P4HA3: variants seen among roughly 807,000 people sequenced by gnomAD.
P4HA3 encodes the protein prolyl 4-hydroxylase subunit alpha-3.
Under a neutral mutation model 66.7 loss-of-function variants are expected in P4HA3, and 60 were observed. The ratio of observed to expected loss-of-function variants is 0.90; its 90% CI spans 0.73 to 1.12. The LOEUF (loss-of-function observed/expected upper bound fraction) is 1.12, where lower values mean the gene tolerates loss of function less well. Ranked by LOEUF, P4HA3 falls within the 50% of genes most tolerant of loss-of-function variation. P4HA3 has a pLI of 0.00. For missense variants in P4HA3, 683 were observed against 685.8 expected, an observed-to-expected ratio of 1.00 and a Z score of 0.05; for synonymous variants, 263 against 274.6, an observed-to-expected ratio of 0.96 and a Z score of 0.42.
Position 74,267,193 on chromosome 11 carries a change from C to T in P4HA3, c.*55G>A. Reference sequence around the variant, plus strand: ...TCTCCTCTCCTACCCCAGCTTTTGGCTCCTGGCTTCTCTGGAAAGCCACAG... The same window carrying T: ...TCTCCTCTCCTACCCCAGCTTTTGGTTCCTGGCTTCTCTGGAAAGCCACAG... On this transcript the variant is annotated 3_prime_UTR_variant, in exon 13 of 13. Transcript: ENST00000331597. 1 of 1,612,292 alleles carries T rather than the reference C, an allele frequency of 6.2e-7. No homozygotes were observed. Among genetic ancestry groups the T allele is most frequent in the Non-Finnish European group, 8.5e-7 (1 of 1,179,584 alleles).
At chr11:74,304,236 TTC>T in intron 2 of P4HA3, 32 bp downstream of exon 2, 5 of 1,609,444 alleles carry the variant, frequency 3.1e-6, no homozygotes, top group South Asian at 1.1e-5. Flanking sequence ...AGATAGAATC[TTC>T]TCTCTTACCC....
In P4HA3 at chr11:74,282,627, A is replaced by G. The variant is rs541393731; in HGVS notation, c.1111-3175T>C. On this transcript the variant is annotated intron_variant, in intron 7 of 12. Transcript: ENST00000331597. ...AGTGACCCAGTGAAGAGTTTCAGCA[A>G]GGGCTTGAGTGGTCAGACCTGACCT... Among the ~76,000 whole-genome samples, 4 of 152,136 alleles carry G rather than the reference A, an allele frequency of 2.6e-5. No homozygotes were observed. The East Asian group carries it at 5.8e-4, about 22-fold the overall frequency.
chr11:74,270,840 T>G (rs1485311697), intron 10 of P4HA3, among the ~76,000 whole-genome samples: 2 of 152,222 alleles, frequency 1.3e-5, no homozygotes, highest in Admixed American at 6.5e-5. Flanking sequence ...CATATCCAAA[T>G]GTTTACTATT....
At chr11:74,253,811 G>T in intron 15 of P4HA3, 1 of 523,428 alleles carries the variant, frequency 1.9e-6, no homozygotes, top group Non-Finnish European at 3.4e-6. Flanking sequence ...CTCCAGATTT[G>T]CCATACTGAG....
Position 74,250,691 on chromosome 11 carries a change from A to G in P4HA3, c.*1319-2690T>C, listed in dbSNP as rs1859634801. On this transcript the variant is annotated intron_variant and NMD_transcript_variant, in intron 15 of 15. Coordinates refer to the P4HA3 transcript ENST00000524388. ...ACTGGACTGTAAATCCCCTGAGGAC[A>G]AGAACTGTTTCTTCTATGTGTCTCT... The G allele has an allele frequency of 1.6e-5, 7 of 431,482 alleles. No homozygotes were observed. In the South Asian group the frequency reaches 3.2e-4, roughly 20 times the overall value. The allele number at this position is 431,482 out of a possible 1,614,324, so 26.7% of individuals were successfully genotyped here. A position where few individuals can be genotyped will look rare whatever the true frequency, so the allele number is the denominator to read the frequency against.
chr11:74,260,985 G>A (rs1240451995), intron 14 of P4HA3, among the ~76,000 whole-genome samples: 1 of 152,176 alleles, frequency 6.6e-6, no homozygotes, highest in Non-Finnish European at 1.5e-5. Context: ...GATGCCCCCT[G>A]CCCAGGCCTC....
chr11:74,299,174 C>T (rs1235970505), intron 3 of P4HA3, among the ~76,000 whole-genome samples: 2 of 152,166 alleles, frequency 1.3e-5, no homozygotes, highest in Non-Finnish European at 2.9e-5. Flanking sequence ...GTATTAAATG[C>T]TGGAATGCTG....
chr11:74,258,583 C>T (rs1178351963), intron 15 of P4HA3, among the ~76,000 whole-genome samples: 2 of 152,086 alleles, frequency 1.3e-5, no homozygotes, highest in Non-Finnish European at 2.9e-5. Context: ...CAGGGTCATA[C>T]CTTAGCACAA....
At chr11:74,253,293 C>T (rs143159376) in intron 15 of P4HA3, among the ~76,000 whole-genome samples, 33 of 152,206 alleles carry the variant, frequency 2.2e-4, no homozygotes, top group African/African-American at 7.0e-4. Context: ...TGGGGCCCTT[C>T]GACCATTTGG....
At chr11:74,297,359 T>A (rs1478455039) in intron 4 of P4HA3, among the ~76,000 whole-genome samples, 4 of 152,036 alleles carry the variant, frequency 2.6e-5, no homozygotes, top group Non-Finnish European at 5.9e-5. Flanking sequence ...CAGCAACACA[T>A]GGGTTTGGAG....
intron 1 of P4HA3, among the ~76,000 whole-genome samples, chr11:74,305,101 C>T (rs1287919595): frequency 1.3e-5 from 2 of 151,988 alleles, no homozygotes; most frequent in Non-Finnish European, 2.9e-5. Context: ...GCTGGGGGGC[C>T]CGCCTCCTAA....
Position 74,266,713 on chromosome 11 carries a change from A to G in P4HA3, c.*535T>C. ...AAAAACCATCATACAAAAAGAAAAG[A>G]AAGTTGTTTTCAACTTAAAAAAAAT... On this transcript the variant is annotated 3_prime_UTR_variant, in exon 13 of 13. Transcript: ENST00000331597. 4.7e-6 allele frequency: 1 copy of G among 210,954 alleles called. No individual in the cohort carries two copies. Among genetic ancestry groups the G allele is most frequent in the Admixed American group, 5.1e-5 (1 of 19,530 alleles). The allele number at this position is 210,954 out of a possible 1,614,324, so 13.1% of individuals were successfully genotyped here. A position where few individuals can be genotyped will look rare whatever the true frequency, so the allele number is the denominator to read the frequency against.
Position 74,253,353 on chromosome 11 carries a change from C to G in P4HA3, c.*1319-5352G>C, listed in dbSNP as rs1022628934. On this transcript the variant is annotated intron_variant and NMD_transcript_variant, in intron 15 of 15. Transcript: ENST00000524388. Reference sequence around the variant, plus strand: ...CTGAGAGCAGACCCTGGGTCCAGCTCTGGTCAGGGCTGTGAAATGGGTCAG... The same window carrying G: ...CTGAGAGCAGACCCTGGGTCCAGCTGTGGTCAGGGCTGTGAAATGGGTCAG... 3.6e-6 allele frequency: 3 copies of G among 827,518 alleles called. No homozygotes were observed. In the African/African-American group the frequency reaches 5.0e-5, roughly 14 times the overall value. The allele number at this position is 827,518 out of a possible 1,614,324, so 51.3% of individuals were successfully genotyped here. A position where few individuals can be genotyped will look rare whatever the true frequency, so the allele number is the denominator to read the frequency against.
At chr11:74,264,390 C>T (rs888801464), downstream of P4HA3, among the ~76,000 whole-genome samples, 23 of 152,178 alleles carry the variant, frequency 1.5e-4, no homozygotes, top group African/African-American at 5.6e-4. Flanking sequence ...AGCCTGGTCT[C>T]TCCTTCTCAG....
intron 15 of P4HA3, among the ~76,000 whole-genome samples, chr11:74,253,080 T>A (rs1565398853): frequency 6.6e-6 from 1 of 152,202 alleles, no homozygotes; most frequent in Non-Finnish European, 1.5e-5. Flanking sequence ...AAATGGCTTC[T>A]GCGTTAGAGA....
chr11:74,304,160 C>A, intron 2 of P4HA3, 110 bp downstream of exon 2: 1 of 1,359,720 alleles, frequency 7.4e-7, no homozygotes, highest in Non-Finnish European at 1.0e-6. Context: ...TAAGTAATAC[C>A]CACCTACTCC....
rs557913464 is a variant in P4HA3, at chr11:74,290,286, G to A, written c.718-1156C>T. Among the ~76,000 whole-genome samples the A allele has an allele frequency of 3.1e-3, 477 of 152,172 alleles. 3 individuals carry two copies. In the Middle Eastern group the frequency reaches 0.034, roughly 11 times the overall value. On this transcript the variant is annotated intron_variant, in intron 4 of 12. Coordinates refer to ENST00000331597, the MANE Select transcript of P4HA3 (RefSeq NM_182904.5). ...CATATCCTTTGCCCACTTTTTGATG[G>A]GGTTGTTTGTCTTTTCCTTGTAAAT...
chr11:74,281,654 C>T (rs1382702549), intron 7 of P4HA3, among the ~76,000 whole-genome samples: 1 of 151,926 alleles, frequency 6.6e-6, no homozygotes. Context: ...TATTCTCACT[C>T]ATAGGTGGGA....
intron 3 of P4HA3, among the ~76,000 whole-genome samples, chr11:74,299,678 A>C (rs1861341456): frequency 6.6e-6 from 1 of 151,894 alleles, no homozygotes; most frequent in South Asian, 2.1e-4. Context: ...AAAAAAAAAA[A>C]AAAAACAACA....
Sources: allele counts gnomAD v4.1 joint callset (sites outside exome capture counted in the v4.1 genomes callset), GRCh38; gene constraint gnomAD v4.1.1; transcripts MANE v1.5; gene names NCBI Gene and HGNC (gene_info 2026-07-23, HGNC 2026-07-21).